Variants in TENM3 observed in about 807,000 individuals in gnomAD.
TENM3 encodes teneurin-3.
In TENM3, 63 loss-of-function variants were observed where a neutral mutation model predicts 255.1. That is an observed-to-expected ratio of 0.25 (90% CI 0.20 to 0.30). The LOEUF is 0.30. Among genes scored for constraint, TENM3 ranks in the 10% least tolerant of loss-of-function variants. TENM3 has a pLI of 1.00. For synonymous variants in TENM3, 1,306 were observed against 1,322.3 expected (o/e 0.99, Z 0.27); for missense variants, 2,929 against 3,461.1 (o/e 0.85, Z 3.86).
intron 12 of TENM3, among the ~76,000 whole-genome samples, chr4:182,711,802 T>G (rs1287867025): frequency 6.6e-6 from 1 of 152,194 alleles, no homozygotes; most frequent in African/African-American, 2.4e-5. Flanking sequence ...TTATCACAGA[T>G]TTCATTCTTT....
the TENM3 span, among the ~76,000 whole-genome samples, chr4:181,978,625 G>A: frequency 6.5e-4 from 87 of 133,186 alleles, no homozygotes; most frequent in African/African-American, 2.3e-3. Context: ...CCAGCCTGGC[G>A]ACAGAGAAAG....
chr4:182,493,379 G>A (rs1236869151), intron 3 of TENM3, among the ~76,000 whole-genome samples: 1 of 152,094 alleles, frequency 6.6e-6, no homozygotes, highest in African/African-American at 2.4e-5. Flanking sequence ...TAGATATTTA[G>A]GATTTCATTT....
At chr4:182,761,223 A>G (rs982586961) in intron 22 of TENM3, among the ~76,000 whole-genome samples, 20 of 152,152 alleles carry the variant, frequency 1.3e-4, no homozygotes, top group Non-Finnish European at 2.5e-4. Flanking sequence ...GTTCAAGACC[A>G]GCCTGGCCAA....
intron 22 of TENM3, 52 bp from the exon 23 acceptor site, chr4:182,773,420 G>GTTTAT: frequency 6.8e-7 from 1 of 1,476,838 alleles, no homozygotes; most frequent in Non-Finnish European, 9.2e-7. Flanking sequence ...TTATAAGTCA[G>GTTTAT]AAGAAACTGC....
chr4:181,746,676 C>T, the TENM3 span, among the ~76,000 whole-genome samples: 17 of 151,874 alleles, frequency 1.1e-4, no homozygotes, highest in Admixed American at 9.9e-4. Flanking sequence ...CTTTATTTTT[C>T]CCTATGCAGA....
At chr4:181,695,937 T>A in the TENM3 span, among the ~76,000 whole-genome samples, 1 of 151,888 alleles carries the variant, frequency 6.6e-6, no homozygotes, top group Non-Finnish European at 1.5e-5. Flanking sequence ...TTTTTTTTTT[T>A]AATTTAGGGG....
At chr4:182,326,105 G>C (rs948275276) in intron 2 of TENM3, among the ~76,000 whole-genome samples, 1 of 152,238 alleles carries the variant, frequency 6.6e-6, no homozygotes, top group Non-Finnish European at 1.5e-5. Context: ...AGGGCGCCAG[G>C]CGGCCAGGGA....
chr4:182,345,637 T>C (rs1406859272), intron 2 of TENM3, among the ~76,000 whole-genome samples: 1 of 152,178 alleles, frequency 6.6e-6, no homozygotes, highest in East Asian at 1.9e-4. Context: ...CAAACATTTT[T>C]CTCACTCTTC....
the TENM3 span, among the ~76,000 whole-genome samples, chr4:182,025,523 T>G: frequency 1.3e-5 from 2 of 152,188 alleles, no homozygotes; most frequent in Admixed American, 1.3e-4. Flanking sequence ...TCTTTTCTTT[T>G]GGGTATACAC....
At chr4:181,663,656 A>G in the TENM3 span, among the ~76,000 whole-genome samples, 2 of 152,218 alleles carry the variant, frequency 1.3e-5, no homozygotes, top group Admixed American at 6.5e-5. Flanking sequence ...AACATCCTTC[A>G]AAATTAAAGG....
At chr4:181,718,492 G>A in the TENM3 span, among the ~76,000 whole-genome samples, 1 of 152,052 alleles carries the variant, frequency 6.6e-6, no homozygotes, top group South Asian at 2.1e-4. Flanking sequence ...CTCCTATAGT[G>A]GATTTTAGCC....
intron 12 of TENM3, chr4:182,711,499 A>G (rs1011810604): frequency 1.7e-6 from 1 of 573,660 alleles, no homozygotes; most frequent in Admixed American, 6.4e-5. Flanking sequence ...TTGCATGTAG[A>G]TTCTGAAAAT....
At chr4:181,515,371 C>T in the TENM3 span, among the ~76,000 whole-genome samples, 2 of 152,102 alleles carry the variant, frequency 1.3e-5, no homozygotes, top group Admixed American at 6.5e-5. Flanking sequence ...CTCCTTTGCG[C>T]ATACTTGAAG....
At chr4:182,177,435 C>T (rs181186080) in intron 1 of TENM3, among the ~76,000 whole-genome samples, 20 of 152,162 alleles carry the variant, frequency 1.3e-4, no homozygotes, top group East Asian at 1.2e-3. Context: ...TGGCTCTACC[C>T]GCTGCCCTTG....
chr4:181,631,779 C>T, the TENM3 span, among the ~76,000 whole-genome samples: 2 of 152,178 alleles, frequency 1.3e-5, no homozygotes, highest in Admixed American at 1.3e-4. Context: ...TAGGATTACA[C>T]AGGGCATGTA....
intron 13 of TENM3, among the ~76,000 whole-genome samples, chr4:182,719,411 A>G (rs1430662597): frequency 4.0e-5 from 6 of 151,268 alleles, no homozygotes; most frequent in South Asian, 4.2e-4. Flanking sequence ...ATAGGCGCCC[A>G]CCACCACGCC....
chr4:181,493,235 A>G, the TENM3 span, among the ~76,000 whole-genome samples: 19 of 150,900 alleles, frequency 1.3e-4, no homozygotes, highest in Non-Finnish European at 1.6e-4. Context: ...GTTCAAAGTT[A>G]CAGTGAGCTA....
At chr4:181,730,034 C>T in the TENM3 span, among the ~76,000 whole-genome samples, 3 of 152,176 alleles carry the variant, frequency 2.0e-5, no homozygotes, top group East Asian at 3.9e-4. Flanking sequence ...ACCAAAGGTG[C>T]TCTCTCTTCA....
At chr4:181,720,496 G>A in the TENM3 span, among the ~76,000 whole-genome samples, 1 of 152,064 alleles carries the variant, frequency 6.6e-6, no homozygotes, top group African/African-American at 2.4e-5. Flanking sequence ...ATTTATACAG[G>A]GCATTCATTT....
Sources: allele counts gnomAD v4.1 joint callset (sites outside exome capture counted in the v4.1 genomes callset), GRCh38; gene constraint gnomAD v4.1.1; transcripts MANE v1.5; gene names NCBI Gene and HGNC (gene_info 2026-07-23, HGNC 2026-07-21).